The following SORBS2 variants were observed in gnomAD, a reference collection of about 807,000 sequenced individuals.
SORBS2 encodes the protein sorbin and SH3 domain containing 2.
Under a neutral mutation model 97.7 loss-of-function variants are expected in SORBS2, and 46 were observed. That is an observed-to-expected ratio of 0.47 (90% CI 0.37 to 0.60). The LOEUF is 0.60. Ranked by LOEUF, SORBS2 falls within the 20% of genes least tolerant of loss-of-function variation. The probability of loss-of-function intolerance (pLI) is 0.00; values close to 1 mark genes in which losing one functional copy is unlikely to be tolerated. For synonymous variants in SORBS2, 476 were observed against 473.4 expected (o/e 1.01, Z -0.07); for missense variants, 1,316 against 1,282.3 (o/e 1.03, Z -0.40).
At chr4:185,631,287 C>T (rs1000967322) in intron 4 of SORBS2, among the ~76,000 whole-genome samples, 7 of 152,112 alleles carry the variant, frequency 4.6e-5, no homozygotes, top group Non-Finnish European at 8.8e-5. Flanking sequence ...TTTTAAAGTG[C>T]GCTTTTAAAT....
chr4:185,944,780 C>T (rs2099273744), intron 1 of SORBS2, among the ~76,000 whole-genome samples: 1 of 152,128 alleles, frequency 6.6e-6, no homozygotes, highest in Non-Finnish European at 1.5e-5. Context: ...ATTTGTAGGA[C>T]ACTCCATATT....
At position 185,682,868 on chromosome 4, in the gene SORBS2, G is replaced by A. The variant is rs574828759; in HGVS notation, c.-197-4046C>T. Among the ~76,000 whole-genome samples, 3 of 152,036 alleles carry A rather than the reference G, an allele frequency of 2.0e-5. No homozygotes were observed. In the South Asian group the frequency reaches 6.3e-4, roughly 32 times the overall value. ...TCTACTAAAAAAAATACAAAAATTA[G>A]CCAGGCATGGTGGCAGGCACCTGTA... On this transcript the variant is annotated intron_variant, in intron 2 of 20. Transcript: ENST00000284776.
At chr4:185,813,278 G>A (rs1318982385) in intron 1 of SORBS2, among the ~76,000 whole-genome samples, 3 of 152,164 alleles carry the variant, frequency 2.0e-5, no homozygotes, top group Non-Finnish European at 4.4e-5. Context: ...CCCTACCCAT[G>A]TTAACACTCC....
At chr4:185,715,737 G>T (rs1192166273) in intron 2 of SORBS2, among the ~76,000 whole-genome samples, 3 of 152,144 alleles carry the variant, frequency 2.0e-5, no homozygotes, top group Admixed American at 2.0e-4. Flanking sequence ...AAATATGCAG[G>T]AGTGACAGCT....
chr4:185,821,351 C>T (rs1373627915), intron 1 of SORBS2, among the ~76,000 whole-genome samples: 5 of 152,188 alleles, frequency 3.3e-5, no homozygotes, highest in African/African-American at 1.2e-4. Context: ...GTTTGTCAAA[C>T]ACCTTGTTTT....
chr4:185,641,110 C>T (rs2097118268), intron 4 of SORBS2, among the ~76,000 whole-genome samples: 2 of 147,420 alleles, frequency 1.4e-5, no homozygotes, highest in South Asian at 4.7e-4. Context: ...ATACCAAGTC[C>T]TGATTTATAG....
chr4:185,704,763 C>T (rs1398881431), intron 2 of SORBS2, among the ~76,000 whole-genome samples: 1 of 152,196 alleles, frequency 6.6e-6, no homozygotes, highest in African/African-American at 2.4e-5. Flanking sequence ...GGGCAGCATG[C>T]TTCTATCTCA....
chr4:185,892,039 T>C (rs1355764482), intron 1 of SORBS2, among the ~76,000 whole-genome samples: 3 of 152,180 alleles, frequency 2.0e-5, no homozygotes, highest in Non-Finnish European at 4.4e-5. Context: ...TTCACCATCT[T>C]GGCCAGGATG....
chr4:185,853,229 G>C (rs1461523564), intron 1 of SORBS2, among the ~76,000 whole-genome samples: 1 of 152,036 alleles, frequency 6.6e-6, no homozygotes, highest in Non-Finnish European at 1.5e-5. Flanking sequence ...TGGGGAGTGA[G>C]GTATGATGAG....
At chr4:185,655,016 T>G (rs1439921495) in intron 1 of SORBS2, among the ~76,000 whole-genome samples, 7 of 152,218 alleles carry the variant, frequency 4.6e-5, no homozygotes, top group African/African-American at 1.7e-4. Flanking sequence ...ATATTGGAAG[T>G]AGAAGAAAAG....
intron 2 of SORBS2, among the ~76,000 whole-genome samples, chr4:185,685,632 A>G (rs746644179): frequency 1.5e-4 from 23 of 152,146 alleles, no homozygotes; most frequent in Non-Finnish European, 2.8e-4. Flanking sequence ...CCTGCGCTCA[A>G]GCAATCCTCC....
At chr4:185,925,950 C>CAATT (rs755617626) in intron 1 of SORBS2, among the ~76,000 whole-genome samples, 34 of 152,138 alleles carry the variant, frequency 2.2e-4, no homozygotes, top group Non-Finnish European at 1.5e-5. Context: ...GATAAGAAGG[C>CAATT]AATTTCTTTG....
chr4:185,776,515 C>T (rs560766245), intron 1 of SORBS2, among the ~76,000 whole-genome samples: 1 of 152,020 alleles, frequency 6.6e-6, no homozygotes, highest in South Asian at 2.1e-4. Context: ...TTTTTTCAAC[C>T]CCCTACTCCC....
At chr4:185,673,728 T>C (rs2097755066) in intron 4 of SORBS2, among the ~76,000 whole-genome samples, 4 of 152,192 alleles carry the variant, frequency 2.6e-5, no homozygotes, top group African/African-American at 9.7e-5. Flanking sequence ...TAATAAGATC[T>C]TGAAACAGCT....
intron 2 of SORBS2, among the ~76,000 whole-genome samples, chr4:185,754,155 G>T (rs1192737249): frequency 6.6e-6 from 1 of 152,146 alleles, no homozygotes. Context: ...GCAGCAACAT[G>T]GATGGAGCTA....
At chr4:185,632,539 A>G (rs374503322) in intron 4 of SORBS2, among the ~76,000 whole-genome samples, 41 of 152,238 alleles carry the variant, frequency 2.7e-4, no homozygotes, top group African/African-American at 9.4e-4. Flanking sequence ...TTATATTACA[A>G]TTAAGAAATA....
intron 2 of SORBS2, among the ~76,000 whole-genome samples, chr4:185,749,034 C>T (rs928597183): frequency 1.1e-4 from 17 of 152,268 alleles, no homozygotes; most frequent in Admixed American, 4.6e-4. Flanking sequence ...AAGTATGGCT[C>T]GGCTTGCTGC....
chr4:185,878,978 C>G (rs551916624), intron 1 of SORBS2, among the ~76,000 whole-genome samples: 3 of 152,132 alleles, frequency 2.0e-5, no homozygotes, highest in African/African-American at 7.2e-5. Flanking sequence ...ACTCTCCAGT[C>G]GCTTTCTATC....
At chr4:185,714,651 C>T (rs2098450567) in intron 2 of SORBS2, among the ~76,000 whole-genome samples, 1 of 152,152 alleles carries the variant, frequency 6.6e-6, no homozygotes, top group South Asian at 2.1e-4. Flanking sequence ...GAGGCCTCAC[C>T]GTCATGGCAG....
Sources: gnomAD v4.1 joint callset for allele counts (sites outside exome capture counted in the v4.1 genomes callset) on GRCh38, gnomAD v4.1.1 for gene constraint, MANE v1.5 for transcripts, NCBI Gene and HGNC (gene_info 2026-07-23, HGNC 2026-07-21) for gene names.